The following ATP2C2 variants were observed in gnomAD, a reference collection of about 807,000 sequenced individuals.
ATP2C2 encodes ATPase secretory pathway Ca2+ transporting 2.
ATP2C2 carries 171 observed loss-of-function variants against 110.8 expected under a neutral mutation model. The observed-to-expected ratio is 1.54, with a 90% CI of 1.36 to 1.75. The LOEUF is 1.75. Ranked by LOEUF, ATP2C2 falls within the 40% of genes most tolerant of loss-of-function variation. The pLI is 0.00. For synonymous variants in ATP2C2, 804 were observed against 508.4 expected, an observed-to-expected ratio of 1.58 and a Z score of -7.82; for missense variants, 1,963 against 1,235.0, an observed-to-expected ratio of 1.59 and a Z score of -8.84.
chr16:84,419,729 C>A (rs527764852), intron 7 of ATP2C2, among the ~76,000 whole-genome samples: 1 of 152,096 alleles, frequency 6.6e-6, no homozygotes, highest in East Asian at 1.9e-4. Flanking sequence ...ACGTATGAGG[C>A]CCTGGGCTGG....
chr16:84,455,799 C>T (rs1910742573), intron 21 of ATP2C2, among the ~76,000 whole-genome samples: 1 of 148,244 alleles, frequency 6.7e-6, no homozygotes, highest in Non-Finnish European at 1.5e-5. Context: ...TGAAATACGT[C>T]CCATCAATAC....
At chr16:84,384,098 T>A (rs1035911802) in intron 1 of ATP2C2, among the ~76,000 whole-genome samples, 4 of 152,272 alleles carry the variant, frequency 2.6e-5, no homozygotes, top group Non-Finnish European at 4.4e-5. Context: ...CTATTTTCTT[T>A]AAGTGACAGT....
At chr16:84,406,465 C>A in intron 3 of ATP2C2, 1 of 445,966 alleles carries the variant, frequency 2.2e-6, no homozygotes, top group Non-Finnish European at 3.0e-6. Flanking sequence ...AGGCTTCAAC[C>A]GCCTTCCTAT....
intron 1 of ATP2C2, among the ~76,000 whole-genome samples, chr16:84,389,720 CTT>C (rs3085090): frequency 0.17 from 20,186 of 119,856 alleles, 1,611 homozygotes; most frequent in Middle Eastern, 0.2. Flanking sequence ...TCACTGTTTC[CTT>C]TTTTTTTTTT....
chr16:84,460,206 C>G (rs557634921), intron 23 of ATP2C2: 9 of 215,726 alleles, frequency 4.2e-5, no homozygotes, highest in African/African-American at 2.1e-4. Flanking sequence ...CAGGGCCTCA[C>G]CCGGCCACTC....
At chr16:84,446,148 CTTTT>C (rs34605094) in intron 15 of ATP2C2, among the ~76,000 whole-genome samples, 177 bp from the exon 16 acceptor site, 1 of 143,590 alleles carries the variant, frequency 7.0e-6, no homozygotes, top group African/African-American at 2.5e-5. Context: ...AGAGAAGAGA[CTTTT>C]TTTTTTTTTT....
At chr16:84,429,455 C>G (rs117306704) in intron 11 of ATP2C2, among the ~76,000 whole-genome samples, 4 of 152,082 alleles carry the variant, frequency 2.6e-5, no homozygotes, top group African/African-American at 9.7e-5. Context: ...TTCCAGCCTT[C>G]GTGGAGCTTT....
At chr16:84,402,428 T>A (rs1213345531) in intron 2 of ATP2C2, among the ~76,000 whole-genome samples, 1 of 152,252 alleles carries the variant, frequency 6.6e-6, no homozygotes, top group Non-Finnish European at 1.5e-5. Flanking sequence ...AATATGACAC[T>A]AGCCCTGGGT....
At chr16:84,445,962 C>A (rs1185755828) in intron 15 of ATP2C2, among the ~76,000 whole-genome samples, 2 of 152,196 alleles carry the variant, frequency 1.3e-5, no homozygotes, top group East Asian at 3.9e-4. Context: ...GGGGGGCTGG[C>A]AAGGACCCCA....
chr16:84,378,347 G>C (rs933523649), intron 1 of ATP2C2, among the ~76,000 whole-genome samples: 4 of 152,158 alleles, frequency 2.6e-5, no homozygotes, highest in African/African-American at 9.7e-5. Context: ...CATGGATTTA[G>C]GCAGGTGTAA....
At chr16:84,387,277 G>C (rs4782942) in intron 1 of ATP2C2, among the ~76,000 whole-genome samples, 37,176 of 151,842 alleles carry the variant, frequency 0.24, 5,035 homozygotes, top group Middle Eastern at 0.32. Flanking sequence ...ATCCCAGCGC[G>C]TTGGGAGGCC....
At chr16:84,454,397 T>G (rs1286440639) in intron 20 of ATP2C2, among the ~76,000 whole-genome samples, 1 of 152,228 alleles carries the variant, frequency 6.6e-6, no homozygotes, top group Non-Finnish European at 1.5e-5. Context: ...TCTTTCATGT[T>G]ATTTTTAGCT....
intron 1 of ATP2C2, among the ~76,000 whole-genome samples, chr16:84,394,004 A>G (rs1048186854): frequency 7.3e-6 from 1 of 137,346 alleles, no homozygotes; most frequent in Non-Finnish European, 1.6e-5. Context: ...AAAAATACCA[A>G]AAAAAATAAA....
intron 1 of ATP2C2, among the ~76,000 whole-genome samples, chr16:84,374,509 C>T (rs1352682804): frequency 4.6e-5 from 7 of 152,106 alleles, no homozygotes; most frequent in South Asian, 2.1e-4. Flanking sequence ...CCTGAGAATA[C>T]GTCTGAAGAT....
chr16:84,372,202 A>G (rs550638218), intron 1 of ATP2C2, among the ~76,000 whole-genome samples: 3 of 152,206 alleles, frequency 2.0e-5, no homozygotes, highest in Non-Finnish European at 4.4e-5. Flanking sequence ...CATGATAGTC[A>G]CTCATTTATT....
chr16:84,459,750 C>T, intron 23 of ATP2C2: 3 of 643,038 alleles, frequency 4.7e-6, no homozygotes, highest in East Asian at 2.8e-5. Context: ...GTATTTTTCC[C>T]TAGAGAGGAA....
At chr16:84,448,481 A>G in intron 16 of ATP2C2, 52 bp from the exon 17 acceptor site, 1 of 1,567,366 alleles carries the variant, frequency 6.4e-7, no homozygotes, top group Non-Finnish European at 8.7e-7. Context: ...GATGGTCAGT[A>G]TGAACCAAGG....
intron 1 of ATP2C2, among the ~76,000 whole-genome samples, chr16:84,384,740 T>A (rs1047205727): frequency 6.6e-6 from 1 of 152,190 alleles, no homozygotes; most frequent in African/African-American, 2.4e-5. Flanking sequence ...ATTAGTCCCT[T>A]CTCACACTGC....
At chr16:84,448,775 G>C in intron 17 of ATP2C2, 86 bp downstream of exon 17, 4 of 1,513,608 alleles carry the variant, frequency 2.6e-6, no homozygotes, top group Non-Finnish European at 3.6e-6. Context: ...CCCTAGTCAA[G>C]GAGGTCACCC....
Sources: gnomAD v4.1 joint callset for allele counts (sites outside exome capture counted in the v4.1 genomes callset) on GRCh38, gnomAD v4.1.1 for gene constraint, MANE v1.5 for transcripts, NCBI Gene and HGNC (gene_info 2026-07-23, HGNC 2026-07-21) for gene names.